The following PDE4D variants were observed in gnomAD, a reference collection of about 807,000 sequenced individuals.
The protein encoded by PDE4D is 3',5'-cyclic-AMP phosphodiesterase 4D.
Under a neutral mutation model 87.4 loss-of-function variants are expected in PDE4D, and 24 were observed. The observed-to-expected ratio is 0.27, with a 90% CI of 0.20 to 0.39. The LOEUF is 0.39. PDE4D is among the 10% of genes least tolerant of loss of function. PDE4D has a pLI of 1.00. For missense variants in PDE4D, 714 were observed against 1,041.0 expected (o/e 0.69, Z 4.32); for synonymous variants, 384 against 383.2 (o/e 1.00, Z -0.02).
At chr5:59,563,050 A>G (rs1400346338) in intron 1 of PDE4D, among the ~76,000 whole-genome samples, 1 of 152,260 alleles carries the variant, frequency 6.6e-6, no homozygotes, top group Admixed American at 6.5e-5. Flanking sequence ...AAAGGATGTC[A>G]GAAGGCTATC....
At chr5:58,993,929 T>A (rs939089144) in intron 6 of PDE4D, among the ~76,000 whole-genome samples, 11 of 152,134 alleles carry the variant, frequency 7.2e-5, no homozygotes, top group African/African-American at 2.2e-4. Flanking sequence ...AGTGTTGCCA[T>A]ACAATAAAAC....
intron 5 of PDE4D, among the ~76,000 whole-genome samples, chr5:59,135,076 C>A (rs1388125380): frequency 6.6e-6 from 1 of 152,034 alleles, no homozygotes; most frequent in Non-Finnish European, 1.5e-5. Flanking sequence ...TTCCTAAGAC[C>A]CCAAATGACC....
chr5:59,865,618 G>A (rs1746899738), intron 1 of PDE4D, among the ~76,000 whole-genome samples: 1 of 152,182 alleles, frequency 6.6e-6, no homozygotes, highest in South Asian at 2.1e-4. Context: ...GACAGAGTGA[G>A]TATATTGTAT....
intron 1 of PDE4D, among the ~76,000 whole-genome samples, chr5:59,739,924 T>C (rs1028375678): frequency 2.6e-5 from 4 of 152,198 alleles, no homozygotes. Flanking sequence ...AATATAAATC[T>C]CAGTTTACTA....
intron 1 of PDE4D, among the ~76,000 whole-genome samples, chr5:59,738,092 G>T (rs1335168275): frequency 1.3e-5 from 2 of 152,034 alleles, no homozygotes; most frequent in Non-Finnish European, 2.9e-5. Flanking sequence ...GGCATATTTT[G>T]CTTCAAATAT....
chr5:60,009,934 G>T (rs1410253613), intron 2 of PDE4D, among the ~76,000 whole-genome samples: 9 of 151,952 alleles, frequency 5.9e-5, no homozygotes, highest in Admixed American at 5.3e-4. Flanking sequence ...TTTAAATTTT[G>T]GTTATGTGGC....
At chr5:59,336,903 A>G (rs1436428318) in intron 1 of PDE4D, among the ~76,000 whole-genome samples, 3 of 152,232 alleles carry the variant, frequency 2.0e-5, no homozygotes, top group African/African-American at 7.2e-5. Context: ...TTAGGGAGTC[A>G]GGAATCTATT....
chr5:60,264,957 T>C (rs929251627), intron 1 of PDE4D, among the ~76,000 whole-genome samples: 5 of 152,216 alleles, frequency 3.3e-5, no homozygotes, highest in African/African-American at 1.2e-4. Flanking sequence ...ACACCAAGGA[T>C]ATCATGATGA....
chr5:59,875,666 T>C (rs953116286), intron 1 of PDE4D, among the ~76,000 whole-genome samples: 1 of 151,926 alleles, frequency 6.6e-6, no homozygotes, highest in Admixed American at 6.6e-5. Context: ...CATCATATTT[T>C]CCTAGTAACT....
intron 1 of PDE4D, among the ~76,000 whole-genome samples, chr5:59,856,144 A>C (rs940874085): frequency 6.6e-6 from 1 of 152,162 alleles, no homozygotes; most frequent in African/African-American, 2.4e-5. Context: ...AAAATCTTAG[A>C]GATCATTGAA....
At position 59,954,354 on chromosome 5, in the gene PDE4D, T is replaced by C. The variant is rs1052620892; in HGVS notation, c.272+34134A>G. The stretch of plus-strand genomic sequence containing the variant: ...GGGTTTGAGAAGAACCAGGTATTTA[T>C]TAAAAGAAGAGATTCTCCCAATAAT... On this transcript the variant is annotated intron_variant, in intron 3 of 16. Coordinates refer to the PDE4D transcript ENST00000502484. Among the ~76,000 whole-genome samples the C allele has an allele frequency of 3.3e-5, 5 of 152,176 alleles. No individual in the cohort carries two copies. The East Asian group carries it at 9.6e-4, about 29-fold the overall frequency.
chr5:59,801,002 C>T (rs919863524), intron 1 of PDE4D, among the ~76,000 whole-genome samples: 1 of 151,908 alleles, frequency 6.6e-6, no homozygotes, highest in African/African-American at 2.4e-5. Context: ...TTTCAAAAAG[C>T]CATTTTTCTT....
intron 2 of PDE4D, among the ~76,000 whole-genome samples, chr5:60,162,191 A>C (rs982172989): frequency 5.9e-5 from 9 of 152,202 alleles, no homozygotes; most frequent in African/African-American, 2.2e-4. Context: ...TTATTGTAAA[A>C]GAGACGTTAG....
chr5:59,753,287 G>T (rs116675803), intron 1 of PDE4D, among the ~76,000 whole-genome samples: 1 of 152,096 alleles, frequency 6.6e-6, no homozygotes, highest in South Asian at 2.1e-4. Flanking sequence ...TATTGGGAGG[G>T]AACAGAACAG....
intron 1 of PDE4D, among the ~76,000 whole-genome samples, chr5:60,217,534 C>A (rs1374799239): frequency 1.3e-5 from 2 of 151,706 alleles, no homozygotes; most frequent in Admixed American, 1.3e-4. Context: ...ACGCAAAAAG[C>A]ATGAACAATC....
At chr5:59,049,047 G>A (rs1306154395) in intron 5 of PDE4D, among the ~76,000 whole-genome samples, 1 of 152,098 alleles carries the variant, frequency 6.6e-6, no homozygotes, top group East Asian at 1.9e-4. Context: ...GTTCACATAG[G>A]CCTTTTTCGG....
At chr5:59,402,274 G>C (rs1433533123) in intron 1 of PDE4D, among the ~76,000 whole-genome samples, 2 of 152,164 alleles carry the variant, frequency 1.3e-5, no homozygotes, top group Admixed American at 1.3e-4. Flanking sequence ...TATCCTGCTT[G>C]CTAGTGAAAA....
chr5:59,803,742 C>T (rs1035705307), intron 1 of PDE4D, among the ~76,000 whole-genome samples: 1 of 152,186 alleles, frequency 6.6e-6, no homozygotes, highest in African/African-American at 2.4e-5. Flanking sequence ...CATCAACATT[C>T]ACTAAAGTAG....
At chr5:59,295,436 C>A (rs143174994) in intron 1 of PDE4D, among the ~76,000 whole-genome samples, 2 of 152,060 alleles carry the variant, frequency 1.3e-5, no homozygotes, top group Admixed American at 1.3e-4. Flanking sequence ...TCTTGACAGG[C>A]TTTTGTTTTG....
Sources: gnomAD v4.1 joint callset for allele counts (sites outside exome capture counted in the v4.1 genomes callset) on GRCh38, gnomAD v4.1.1 for gene constraint, MANE v1.5 for transcripts, NCBI Gene and HGNC (gene_info 2026-07-23, HGNC 2026-07-21) for gene names.